Variants in WDR59 observed in about 807,000 individuals in gnomAD.
WDR59 encodes WD repeat domain 59.
In WDR59, 100 loss-of-function variants were observed where a neutral mutation model predicts 131.2. The observed-to-expected ratio is 0.76, with a 90% CI of 0.65 to 0.90. WDR59 has a LOEUF of 0.90. Among genes scored for constraint, WDR59 ranks in the 40% least tolerant of loss-of-function variants. WDR59 has a pLI of 0.00. For synonymous variants in WDR59, 601 were observed against 466.2 expected (o/e 1.29, Z -3.72); for missense variants, 1,203 against 1,262.2 (o/e 0.95, Z 0.71).
At chr16:74,914,491 T>A (rs1966263247) in intron 13 of WDR59, among the ~76,000 whole-genome samples, 1 of 152,182 alleles carries the variant, frequency 6.6e-6, no homozygotes, top group Non-Finnish European at 1.5e-5. Flanking sequence ...TGGATTCACA[T>A]GTTGTTTCTT....
chr16:74,917,827 AAAAAAT>A, intron 11 of WDR59, 96 bp downstream of exon 11: 1 of 1,048,714 alleles, frequency 9.5e-7, no homozygotes. Flanking sequence ...AAAAAAAAAA[AAAAAAT>A]TGTTTATCCT....
In WDR59 at chr16:74,917,901, T is replaced by C. The variant is rs774617615; in HGVS notation, c.966+28A>G. The stretch of plus-strand genomic sequence containing the variant: ...ACACTTTTTGGTGGATTCAGGTACA[T>C]TTCTCCACAATAGCACTGCATACAT... On this transcript the variant is annotated intron_variant, in intron 11 of 25. Coordinates refer to ENST00000262144, the MANE Select transcript of WDR59 (RefSeq NM_030581.4). 7.9e-5 allele frequency: 127 copies of C among 1,604,118 alleles called. No homozygotes were observed. In the South Asian group the frequency reaches 1.2e-3, roughly 15 times the overall value.
intron 8 of WDR59, among the ~76,000 whole-genome samples, chr16:74,927,693 CA>C (rs2030971761): frequency 6.7e-6 from 1 of 149,858 alleles, no homozygotes; most frequent in African/African-American, 2.5e-5. Flanking sequence ...AACACACACA[CA>C]CACACACACA....
chr16:74,956,426 C>G, intron 3 of WDR59, 49 bp downstream of exon 3: 1 of 1,596,946 alleles, frequency 6.3e-7, no homozygotes, highest in Non-Finnish European at 8.6e-7. Flanking sequence ...CTGCCAGCCC[C>G]AGATGACACA....
chr16:74,937,939 G>A (rs1411956984), intron 8 of WDR59, among the ~76,000 whole-genome samples: 3 of 152,196 alleles, frequency 2.0e-5, no homozygotes, highest in African/African-American at 7.2e-5. Context: ...AACACAATGT[G>A]GTTATGCTGA....
At chr16:74,888,670 C>G (rs936991327) in intron 21 of WDR59, among the ~76,000 whole-genome samples, 11 of 152,114 alleles carry the variant, frequency 7.2e-5, no homozygotes, top group African/African-American at 2.7e-4. Flanking sequence ...GCTCTGTCTT[C>G]CCAGCTCCAA....
At chr16:74,978,636 G>A (rs1033303977) in intron 1 of WDR59, among the ~76,000 whole-genome samples, 1 of 152,200 alleles carries the variant, frequency 6.6e-6, no homozygotes, top group Non-Finnish European at 1.5e-5. Flanking sequence ...GGGGACCAAG[G>A]AACTGTTTGG....
chr16:74,906,776 A>C (rs1464366762), intron 17 of WDR59, among the ~76,000 whole-genome samples: 1 of 152,232 alleles, frequency 6.6e-6, no homozygotes, highest in Non-Finnish European at 1.5e-5. Flanking sequence ...ACTTCAATGA[A>C]GTTCAAGAAC....
At chr16:74,878,797 G>A (rs1253343121) in intron 25 of WDR59, among the ~76,000 whole-genome samples, 1 of 152,240 alleles carries the variant, frequency 6.6e-6, no homozygotes, top group Admixed American at 6.5e-5. Flanking sequence ...TTAGTGTTGG[G>A]GAATCACTGA....
At chr16:74,945,815 CTT>C (rs777336166) in intron 6 of WDR59, among the ~76,000 whole-genome samples, 51 of 132,948 alleles carry the variant, frequency 3.8e-4, no homozygotes, top group Middle Eastern at 7.6e-3. Flanking sequence ...ATTCACATAA[CTT>C]TTTTTTTTTT....
At chr16:74,933,767 T>A (rs1425844070) in intron 8 of WDR59, among the ~76,000 whole-genome samples, 1 of 152,170 alleles carries the variant, frequency 6.6e-6, no homozygotes, top group East Asian at 1.9e-4. Context: ...GTAATTTTAG[T>A]AGAGATGGAG....
intron 18 of WDR59, among the ~76,000 whole-genome samples, chr16:74,898,759 G>A (rs867457982): frequency 7.9e-5 from 12 of 152,342 alleles, no homozygotes; most frequent in Middle Eastern, 3.4e-3. Flanking sequence ...TCCGCAGAGC[G>A]GGCAGGGAGT....
At chr16:74,935,937 C>A (rs2031764711) in intron 8 of WDR59, among the ~76,000 whole-genome samples, 1 of 150,634 alleles carries the variant, frequency 6.6e-6, no homozygotes. Flanking sequence ...ACGGAGGTTG[C>A]AGTGAGCCGA....
Position 74,956,499 on chromosome 16 carries a change from G to A in WDR59, c.216C>T (p.Ser72=), listed in dbSNP as rs2145161325. Residue 72 remains serine, a synonymous_variant, in exon 3 of 26, where the codon AGC becomes AGT. Transcript: ENST00000262144. Reference sequence around the variant, plus strand: ...CCGAAGCCGCAAAATAGTGTGCAAAGCTGTCATGAGGATTCCACTGCACAG... The same window carrying A: ...CCGAAGCCGCAAAATAGTGTGCAAAACTGTCATGAGGATTCCACTGCACAG... ...IGAVQWNPHD[S]FAHYFAASSN... is the part of the protein sequence containing the mutation. 1 of 1,613,956 alleles carries A rather than the reference G, an allele frequency of 6.2e-7. No individual in the cohort carries two copies. Among genetic ancestry groups the A allele is most frequent in the East Asian group, 2.2e-5 (1 of 44,886 alleles).
At position 74,935,633 on chromosome 16, in the gene WDR59, A is replaced by C. The variant is rs961015664; in HGVS notation, c.651+2517T>G. Reference sequence around the variant, plus strand: ...AAATGATTATGTAGAAAAATTACACATATTGGTCCTTATCTACTAAAAAAA... The same window carrying C: ...AAATGATTATGTAGAAAAATTACACCTATTGGTCCTTATCTACTAAAAAAA... On this transcript the variant is annotated intron_variant, in intron 8 of 25. Transcript: ENST00000262144. Among the ~76,000 whole-genome samples the C allele has an allele frequency of 2.1e-4, 32 of 152,290 alleles. 1 individual carries two copies. Among genetic ancestry groups the C allele is most frequent in the African/African-American group, 7.5e-4 (31 of 41,586 alleles).
intron 1 of WDR59, among the ~76,000 whole-genome samples, chr16:74,966,914 T>C (rs1472241004): frequency 1.3e-5 from 2 of 152,232 alleles, no homozygotes; most frequent in Non-Finnish European, 2.9e-5. Context: ...CAAGGCTTAT[T>C]TTAATCCAGG....
intron 18 of WDR59, among the ~76,000 whole-genome samples, chr16:74,902,589 G>A (rs892738916): frequency 6.6e-6 from 1 of 152,042 alleles, no homozygotes; most frequent in African/African-American, 2.4e-5. Flanking sequence ...ACCCAAGCAT[G>A]GGTGGCACAC....
chr16:74,924,120 A>C, intron 8 of WDR59, 117 bp from the exon 9 acceptor site: 1 of 989,246 alleles, frequency 1.0e-6, no homozygotes, highest in Non-Finnish European at 1.5e-6. Context: ...CTTCAACAAC[A>C]TATTTTTAGT....
At chr16:74,891,759 C>A (rs931085367) in intron 20 of WDR59, among the ~76,000 whole-genome samples, 2 of 152,180 alleles carry the variant, frequency 1.3e-5, no homozygotes, top group Non-Finnish European at 2.9e-5. Context: ...CCCATCTCTA[C>A]TAAAAAGTAC....
Sources: allele counts gnomAD v4.1 joint callset (sites outside exome capture counted in the v4.1 genomes callset), GRCh38; gene constraint gnomAD v4.1.1; transcripts MANE v1.5; gene names NCBI Gene and HGNC (gene_info 2026-07-23, HGNC 2026-07-21).